The following ERCC8 variants were observed in gnomAD, a reference collection of about 807,000 sequenced individuals.
ERCC8 encodes the protein DNA excision repair protein ERCC-8.
ERCC8 carries 52 observed loss-of-function variants against 54.9 expected under a neutral mutation model. That is an observed-to-expected ratio of 0.95 (90% CI 0.76 to 1.19). ERCC8 has a LOEUF of 1.19. Among genes scored for constraint, ERCC8 ranks in the 50% most tolerant of loss-of-function variants. The pLI, the probability that ERCC8 is intolerant of heterozygous loss-of-function variation, is 0.00. For missense variants in ERCC8, 514 were observed against 466.1 expected (o/e 1.10, Z -0.95); for synonymous variants, 146 against 157.2 (o/e 0.93, Z 0.53).
chr5:60,939,962 C>A (rs1182515129), intron 1 of ERCC8, among the ~76,000 whole-genome samples: 1 of 152,038 alleles, frequency 6.6e-6, no homozygotes, highest in Non-Finnish European at 1.5e-5. Flanking sequence ...TCAATCTTGT[C>A]TGGACTTCAG....
chr5:60,899,924 CA>C (rs369398341), intron 7 of ERCC8, among the ~76,000 whole-genome samples, 197 bp from the exon 8 acceptor site: 79 of 141,956 alleles, frequency 5.6e-4, no homozygotes, highest in Admixed American at 6.3e-4. Context: ...GAGTAAATAG[CA>C]AAAAAAAAAA....
chr5:60,926,165 C>T (rs1357866743), intron 2 of ERCC8, among the ~76,000 whole-genome samples: 1 of 152,156 alleles, frequency 6.6e-6, no homozygotes, highest in Non-Finnish European at 1.5e-5. Flanking sequence ...CAGTTTTTGG[C>T]ACTACATTCA....
intron 2 of ERCC8, among the ~76,000 whole-genome samples, chr5:60,925,164 A>G (rs1749709664): frequency 6.6e-6 from 1 of 152,182 alleles, no homozygotes; most frequent in South Asian, 2.1e-4. Flanking sequence ...TTGACTTACA[A>G]TAATGTTTAA....
intron 11 of ERCC8, among the ~76,000 whole-genome samples, chr5:60,878,862 A>G (rs954802436): frequency 1.3e-5 from 2 of 151,860 alleles, no homozygotes; most frequent in African/African-American, 4.8e-5. Flanking sequence ...TTGTGTCTCT[A>G]TTTCCTTCAG....
intron 1 of ERCC8, among the ~76,000 whole-genome samples, chr5:60,929,641 C>T (rs963413758): frequency 2.0e-5 from 3 of 152,080 alleles, no homozygotes; most frequent in Non-Finnish European, 4.4e-5. Flanking sequence ...AATAAAGCCA[C>T]TTAAATATCA....
intron 4 of ERCC8, among the ~76,000 whole-genome samples, chr5:60,915,464 T>A (rs557917052): frequency 6.6e-6 from 1 of 152,204 alleles, no homozygotes; most frequent in Non-Finnish European, 1.5e-5. Flanking sequence ...AGGAAAGTAC[T>A]TACTGTACTT....
intron 4 of ERCC8, among the ~76,000 whole-genome samples, chr5:60,909,074 T>G (rs183600174): frequency 1.5e-4 from 23 of 151,942 alleles, no homozygotes; most frequent in African/African-American, 3.9e-4. Flanking sequence ...AAAGATGGTT[T>G]GATAATTTTT....
intron 1 of ERCC8, among the ~76,000 whole-genome samples, chr5:60,930,648 C>T (rs1435444613): frequency 6.6e-6 from 1 of 152,182 alleles, no homozygotes; most frequent in Non-Finnish European, 1.5e-5. Flanking sequence ...ATCGCTTGAA[C>T]CCAGGAGGCA....
chr5:60,907,549 CACCATATTGG>C (rs963349246), intron 4 of ERCC8: 9 of 152,316 alleles, frequency 5.9e-5, no homozygotes, highest in African/African-American at 2.2e-4. Context: ...GATGAGGTTT[CACCATATTGG>C]CCAGGCTGGT....
At chr5:60,930,574 C>CAA (rs1749878916) in intron 1 of ERCC8, among the ~76,000 whole-genome samples, 2 of 150,854 alleles carry the variant, frequency 1.3e-5, no homozygotes, top group East Asian at 3.9e-4. Flanking sequence ...AAAACAAAAA[C>CAA]AAACTAAAAA....
chr5:60,940,653 A>C lies in ERCC8; in HGVS notation c.77+4279T>G, dbSNP rs4647045. On this transcript the variant is annotated intron_variant, in intron 1 of 11. Transcript: ENST00000676185. ...CTGAGTCGTATACAAAGGATTTTGA[A>C]AATTGAGCTAATCACTCAGGTCACA... Among the ~76,000 whole-genome samples the C allele has an allele frequency of 4.5e-3, 681 of 152,336 alleles. 13 individuals are homozygous for C. The highest frequency in any genetic ancestry group is 0.036 in the East Asian group (185 of 5,178).
chr5:60,870,424 C>T lies in ERCC8; in HGVS notation c.*4191G>A, dbSNP rs967919887. On this transcript the variant is annotated 3_prime_UTR_variant, in exon 12 of 12. Coordinates refer to ENST00000676185, the MANE Select transcript of ERCC8 (RefSeq NM_000082.4). ...CTTTGGGAGGCCGAGGCTGGTGGAT[C>T]ACTAGAGCCCAGGAGTTCAAGACCA... Among the ~76,000 whole-genome samples the T allele has an allele frequency of 2.2e-5, 3 of 138,646 alleles. No homozygotes were observed. Among genetic ancestry groups the T allele is most frequent in the Non-Finnish European group, 4.5e-5 (3 of 66,048 alleles). The allele number at this position is 138,646 out of a possible 152,430, so 91.0% of individuals were successfully genotyped here. A position where few individuals can be genotyped will look rare whatever the true frequency, so the allele number is the denominator to read the frequency against.
chr5:60,884,499 A>C (rs1216252383), intron 11 of ERCC8, among the ~76,000 whole-genome samples: 1 of 139,540 alleles, frequency 7.2e-6, no homozygotes, highest in Non-Finnish European at 1.6e-5. Context: ...AAAAAAGACT[A>C]TGTGTATGTA....
intron 4 of ERCC8, among the ~76,000 whole-genome samples, chr5:60,913,004 T>C (rs1416276149): frequency 2.6e-5 from 4 of 152,176 alleles, no homozygotes; most frequent in Non-Finnish European, 5.9e-5. Context: ...CAGTATTTTA[T>C]TGAGGATTTT....
At chr5:60,941,422 G>A (rs920901634) in intron 1 of ERCC8, among the ~76,000 whole-genome samples, 1 of 152,078 alleles carries the variant, frequency 6.6e-6, no homozygotes, top group Non-Finnish European at 1.5e-5. Context: ...AAAGCCTTAG[G>A]GATCAGAGGA....
chr5:60,933,554 T>C (rs1404701492), intron 1 of ERCC8, among the ~76,000 whole-genome samples: 1 of 152,188 alleles, frequency 6.6e-6, no homozygotes, highest in Non-Finnish European at 1.5e-5. Flanking sequence ...ACTTAGTTTT[T>C]GTTTTACTTT....
chr5:60,910,815 A>G (rs547687595), intron 4 of ERCC8, among the ~76,000 whole-genome samples: 34 of 152,232 alleles, frequency 2.2e-4, no homozygotes, highest in Middle Eastern at 3.4e-3. Flanking sequence ...TCTTCTGTGA[A>G]TGACAGTTTA....
At chr5:60,938,478 C>T (rs1375516103) in intron 1 of ERCC8, among the ~76,000 whole-genome samples, 8 of 151,780 alleles carry the variant, frequency 5.3e-5, no homozygotes, top group Non-Finnish European at 1.0e-4. Context: ...CTCAGCCCCC[C>T]GAGTAGCTGG....
rs774686181 is a variant in ERCC8, at chr5:60,945,043, C to A, written c.-35G>T. ...TCACACCGGCTGGAGCACTGGACGTCGCCATGACAGAGCTCAGGGGCGGGA... is the reference window on the plus strand; with the variant it reads ...TCACACCGGCTGGAGCACTGGACGTAGCCATGACAGAGCTCAGGGGCGGGA... On this transcript the variant is annotated 5_prime_UTR_variant, in exon 1 of 12. Coordinates refer to ENST00000676185, the MANE Select transcript of ERCC8 (RefSeq NM_000082.4). 2 of 1,582,340 alleles carry A rather than the reference C, an allele frequency of 1.3e-6. No individual in the cohort carries two copies. The highest frequency in any genetic ancestry group is 1.7e-4 in the Middle Eastern group (1 of 6,006).
Sources: allele counts gnomAD v4.1 joint callset (sites outside exome capture counted in the v4.1 genomes callset), GRCh38; gene constraint gnomAD v4.1.1; transcripts MANE v1.5; gene names NCBI Gene and HGNC (gene_info 2026-07-23, HGNC 2026-07-21).